Variants in CNPY1 observed in about 807,000 individuals in gnomAD.
The protein encoded by CNPY1 is canopy FGF signaling regulator 1.
Under a neutral mutation model 14.4 loss-of-function variants are expected in CNPY1, and 14 were observed. The ratio of observed to expected loss-of-function variants is 0.97; its 90% confidence interval spans 0.64 to 1.52. The LOEUF (loss-of-function observed/expected upper bound fraction) is 1.52, where lower values mean the gene tolerates loss of function less well. Among genes scored for constraint, CNPY1 ranks in the 40% most tolerant of loss-of-function variants. The pLI is 0.00. For missense variants in CNPY1, 129 were observed against 131.5 expected (o/e 0.98, Z 0.09); for synonymous variants, 43 against 46.5 (o/e 0.92, Z 0.31).
intron 2 of CNPY1, among the ~76,000 whole-genome samples, chr7:155,537,825 T>C (rs545422474): frequency 1.3e-5 from 2 of 152,346 alleles, no homozygotes; most frequent in South Asian, 4.1e-4. Flanking sequence ...TTCTACATTA[T>C]CATGGAATTC....
chr7:155,508,845 A>G, intron 3 of CNPY1, 49 bp downstream of exon 3: 9 of 1,591,942 alleles, frequency 5.7e-6, no homozygotes, highest in Non-Finnish European at 7.7e-6. Context: ...AAGAGTTCCA[A>G]AAACACGTTT....
intron 2 of CNPY1, among the ~76,000 whole-genome samples, chr7:155,514,209 T>C (rs1433900718): frequency 6.6e-6 from 1 of 152,272 alleles, no homozygotes; most frequent in Non-Finnish European, 1.5e-5. Context: ...CTCCATCTAA[T>C]GTCAGACAAA....
chr7:155,545,942 C>G lies in CNPY1; in HGVS notation c.-13G>C, dbSNP rs942853855. ...CTATCTCGTCCATCAGCGCCCTGCA[C>G]GCTAAACAAGACACAAAACAGCTGT... On this transcript the variant is annotated splice_region_variant and 5_prime_UTR_variant, in exon 2 of 5. Coordinates refer to ENST00000636446, the MANE Select transcript of CNPY1 (RefSeq NM_001393663.1). 2 of 398,454 alleles carry G rather than the reference C, an allele frequency of 5.0e-6. No individual in the cohort carries two copies. Among genetic ancestry groups the G allele is most frequent in the Admixed American group, 8.8e-5 (2 of 22,704 alleles). The allele number at this position is 398,454 out of a possible 1,614,324, so 24.7% of individuals were successfully genotyped here. A position where few individuals can be genotyped will look rare whatever the true frequency, so the allele number is the denominator to read the frequency against.
intron 3 of CNPY1, 100 bp downstream of exon 3, chr7:155,508,794 G>T: frequency 7.9e-7 from 1 of 1,266,648 alleles, no homozygotes; most frequent in Non-Finnish European, 1.1e-6. Context: ...GATGTTCCAT[G>T]TCTTGAAACT....
intron 1 of CNPY1, 124 bp from the exon 2 acceptor site, chr7:155,546,067 G>A (rs1331771984): frequency 2.5e-6 from 1 of 397,630 alleles, no homozygotes; most frequent in East Asian, 3.6e-5. Context: ...CCCAGGACCT[G>A]GGGAGGACTC....
chr7:155,543,566 G>A (rs1797125894), intron 2 of CNPY1, among the ~76,000 whole-genome samples: 1 of 152,242 alleles, frequency 6.6e-6, no homozygotes, highest in African/African-American at 2.4e-5. Flanking sequence ...TCCAGGGGAA[G>A]ACAGTGGAGC....
At chr7:155,520,408 T>TTTTC (rs1157640647) in intron 2 of CNPY1, among the ~76,000 whole-genome samples, 134 of 150,164 alleles carry the variant, frequency 8.9e-4, no homozygotes, top group African/African-American at 2.9e-3. Context: ...CTCTTTTTCT[T>TTTTC]TTTCTTTCTT....
intron 2 of CNPY1, among the ~76,000 whole-genome samples, chr7:155,532,877 T>C (rs1026714567): frequency 2.0e-5 from 3 of 152,030 alleles, no homozygotes; most frequent in African/African-American, 7.3e-5. Flanking sequence ...TGGCTATGCG[T>C]GTTGGGAGTC....
chr7:155,543,713 C>T (rs965137247), intron 2 of CNPY1, among the ~76,000 whole-genome samples: 7 of 152,174 alleles, frequency 4.6e-5, no homozygotes, highest in African/African-American at 7.2e-5. Context: ...ACGAGTTCTC[C>T]AACACGAGGA....
intron 2 of CNPY1, among the ~76,000 whole-genome samples, chr7:155,514,362 G>A (rs1330248356): frequency 1.3e-5 from 2 of 152,164 alleles, no homozygotes; most frequent in Non-Finnish European, 2.9e-5. Context: ...CTTTGTCATC[G>A]ATTGTCGTCA....
At chr7:155,509,857 G>A (rs1796478458) in intron 2 of CNPY1, among the ~76,000 whole-genome samples, 2 of 152,304 alleles carry the variant, frequency 1.3e-5, no homozygotes, top group South Asian at 4.1e-4. Context: ...CCTCCGCCCC[G>A]GGCGCGGGTC....
chr7:155,517,917 T>C (rs1157526562), intron 2 of CNPY1, among the ~76,000 whole-genome samples: 1 of 152,248 alleles, frequency 6.6e-6, no homozygotes, highest in Non-Finnish European at 1.5e-5. Flanking sequence ...TAGCCATCAT[T>C]GTCTTAGATC....
intron 1 of CNPY1, among the ~76,000 whole-genome samples, 178 bp downstream of exon 1, chr7:155,546,251 A>G (rs1431850777): frequency 6.6e-6 from 1 of 150,702 alleles, no homozygotes; most frequent in Non-Finnish European, 1.5e-5. Context: ...CAGTGGCACT[A>G]TCTCAGCTCA....
At chr7:155,523,962 C>G (rs73163389) in intron 2 of CNPY1, among the ~76,000 whole-genome samples, 4 of 152,062 alleles carry the variant, frequency 2.6e-5, no homozygotes, top group Admixed American at 2.6e-4. Flanking sequence ...ATCCCAGGAA[C>G]ACCAAGAGTT....
chr7:155,502,671 T>C lies in CNPY1; in HGVS notation c.*397A>G, dbSNP rs538019992. Reference sequence around the variant, plus strand: ...GCAATCAAGTATTTGAGGATTCAAATCCAGTTCTTATCAGACAGCCACTGC... The same window carrying C: ...GCAATCAAGTATTTGAGGATTCAAACCCAGTTCTTATCAGACAGCCACTGC... On this transcript the variant is annotated 3_prime_UTR_variant, in exon 5 of 5. Transcript: ENST00000636446. 2 of 169,664 alleles carry C rather than the reference T, an allele frequency of 1.2e-5. No homozygotes were observed. Among genetic ancestry groups the C allele is most frequent in the East Asian group, 3.2e-4 (2 of 6,314 alleles). The allele number at this position is 169,664 out of a possible 1,614,324, so 10.5% of individuals were successfully genotyped here.
At chr7:155,517,742 T>C (rs938202122) in intron 2 of CNPY1, among the ~76,000 whole-genome samples, 1 of 152,212 alleles carries the variant, frequency 6.6e-6, no homozygotes, top group African/African-American at 2.4e-5. Flanking sequence ...TTCACTTTTA[T>C]CCACTGGCCA....
chr7:155,533,506 G>A (rs1796977693), intron 2 of CNPY1, among the ~76,000 whole-genome samples: 1 of 152,176 alleles, frequency 6.6e-6, no homozygotes, highest in Non-Finnish European at 1.5e-5. Flanking sequence ...GCACGCTCCG[G>A]CCCGCGCAGA....
intron 2 of CNPY1, among the ~76,000 whole-genome samples, chr7:155,523,968 G>C (rs1367244339): frequency 6.6e-6 from 1 of 152,030 alleles, no homozygotes; most frequent in Non-Finnish European, 1.5e-5. Flanking sequence ...GGAACACCAA[G>C]AGTTGCCACC....
In CNPY1 at chr7:155,501,155, T is replaced by C. The variant is rs1313069218; in HGVS notation, c.*1913A>G. On this transcript the variant is annotated 3_prime_UTR_variant, in exon 5 of 5. Transcript: ENST00000636446. ...TTGCAAGATACAAGACTATTTTTAATGGGAAATCCAAGAAAAAAACCTGAA... is the reference window on the plus strand; with the variant it reads ...TTGCAAGATACAAGACTATTTTTAACGGGAAATCCAAGAAAAAAACCTGAA... The C allele has an allele frequency of 6.6e-6, 1 of 152,204 alleles. No homozygotes were observed. The highest frequency in any genetic ancestry group is 2.4e-5 in the African/African-American group (1 of 41,460). The allele number at this position is 152,204 out of a possible 1,614,324, so 9.4% of individuals were successfully genotyped here.
Sources: gnomAD v4.1 joint callset for allele counts (sites outside exome capture counted in the v4.1 genomes callset) on GRCh38, gnomAD v4.1.1 for gene constraint, MANE v1.5 for transcripts, NCBI Gene and HGNC (gene_info 2026-07-23, HGNC 2026-07-21) for gene names.